CSNK1D: variants seen among roughly 807,000 people sequenced by gnomAD.
The protein encoded by CSNK1D is casein kinase I isoform delta.
CSNK1D carries 16 observed loss-of-function variants against 46.6 expected under a neutral mutation model. The ratio of observed to expected loss-of-function variants is 0.34; its 90% CI spans 0.23 to 0.52. The LOEUF (loss-of-function observed/expected upper bound fraction) is 0.52, where lower values mean the gene tolerates loss of function less well. CSNK1D is among the 20% of genes least tolerant of loss of function. CSNK1D has a pLI of 0.95. For synonymous variants in CSNK1D, 276 were observed against 228.2 expected, an observed-to-expected ratio of 1.21 and a Z score of -1.89; for missense variants, 398 against 578.4, an observed-to-expected ratio of 0.69 and a Z score of 3.20.
At chr17:82,247,721 G>A (rs1599578179) in intron 8 of CSNK1D, 7 of 985,426 alleles carry the variant, frequency 7.1e-6, no homozygotes, top group Non-Finnish European at 8.4e-6. Context: ...AGGGTTGTGT[G>A]CACGTAAGGG....
rs141108767 is a variant in CSNK1D, at chr17:82,268,537, G to A, written c.77-2741C>T. On this transcript the variant is annotated intron_variant, in intron 1 of 8. Transcript: ENST00000314028. ...AGGTTAAATCCGAGAAGCACTACTA[G>A]AAGGGGAATGAGAATTTGAAAGACC... is the stretch of plus-strand genomic sequence containing the variant. 3.9e-3 allele frequency among the ~76,000 whole-genome samples: 596 copies of A among 152,348 alleles called. 2 individuals are homozygous for A. Among genetic ancestry groups the A allele is most frequent in the South Asian group, 0.028 (137 of 4,830 alleles).
At position 82,248,853 on chromosome 17, in the gene CSNK1D, C is replaced by T. The variant is rs150560631; in HGVS notation, c.1197+22G>A. The stretch of plus-strand genomic sequence containing the variant: ...ACGGGGTAGCCCGAGGCCCAGCGCC[C>T]GCCCGGGAGCTCTGCACCTACCTGT... On this transcript the variant is annotated intron_variant, in intron 8 of 8. Coordinates refer to ENST00000314028, the MANE Select transcript of CSNK1D (RefSeq NM_001893.6). The surrounding 1 kb of genome is among the most constrained non-coding windows in gnomAD (Gnocchi z 4.1). The T allele has an allele frequency of 8.7e-6, 14 of 1,603,978 alleles. No homozygotes were observed. Among genetic ancestry groups the T allele is most frequent in the African/African-American group, 4.0e-5 (3 of 74,762 alleles).
At chr17:82,264,752 G>A (rs568112870) in intron 2 of CSNK1D, among the ~76,000 whole-genome samples, 1 of 152,082 alleles carries the variant, frequency 6.6e-6, no homozygotes, top group Non-Finnish European at 1.5e-5. Flanking sequence ...ACCACTGAGG[G>A]GCACACGACA....
chr17:82,263,749 T>C (rs114513712), intron 2 of CSNK1D, among the ~76,000 whole-genome samples: 281 of 152,372 alleles, frequency 1.8e-3, no homozygotes, highest in African/African-American at 6.5e-3. Context: ...CAGGTTTTAC[T>C]TGACCCCAGC....
Position 82,271,029 on chromosome 17 carries a change from T to G in CSNK1D, c.76+2277A>C, listed in dbSNP as rs572581083. Reference sequence around the variant, plus strand: ...AATCTATCTTTGGAAAGCACAAAGTTGTTTGACAAGGTCTCAGATCAGAGA... The same window carrying G: ...AATCTATCTTTGGAAAGCACAAAGTGGTTTGACAAGGTCTCAGATCAGAGA... On this transcript the variant is annotated intron_variant, in intron 1 of 8. Coordinates refer to ENST00000314028, the MANE Select transcript of CSNK1D (RefSeq NM_001893.6). 4.6e-5 allele frequency among the ~76,000 whole-genome samples: 7 copies of G among 152,344 alleles called. No individual in the cohort carries two copies. In the East Asian group the frequency reaches 1.3e-3, roughly 29 times the overall value.
chr17:82,251,364 G>C lies in CSNK1D; in HGVS notation c.885+15C>G. ...GCACACCACACTCAGCGAACGTGCT[G>C]GCAGTGCGACTTACAAATTTGAGCA... On this transcript the variant is annotated intron_variant, in intron 6 of 8. Transcript: ENST00000314028. This position sits in a 1 kb window ranked among gnomAD's most constrained non-coding sequence, Gnocchi z 4.5. 1.2e-6 allele frequency: 2 copies of C among 1,613,994 alleles called. No homozygotes were observed. The highest frequency in any genetic ancestry group is 1.7e-6 in the Non-Finnish European group (2 of 1,179,950).
At chr17:82,241,937 C>T (rs2050746546), downstream of CSNK1D, among the ~76,000 whole-genome samples, 1 of 152,212 alleles carries the variant, frequency 6.6e-6, no homozygotes, top group Non-Finnish European at 1.5e-5. Context: ...AGAGCAACCT[C>T]CAGGCAAGTG....
Position 82,246,943 on chromosome 17 carries a change from C to T in CSNK1D, c.1197+1932G>A, listed in dbSNP as rs550402011. On this transcript the variant is annotated intron_variant, in intron 8 of 8. Transcript: ENST00000314028. Reference sequence around the variant, plus strand: ...CTGTATTCCCCCTTGGGATTCAAAACGGGAGCTGCTGCTCACAGCCACCAC... The same window carrying T: ...CTGTATTCCCCCTTGGGATTCAAAATGGGAGCTGCTGCTCACAGCCACCAC... 73 of 985,522 alleles carry T rather than the reference C, an allele frequency of 7.4e-5. No homozygotes were observed. In the African/African-American group the frequency reaches 1.1e-3, roughly 15 times the overall value. 61.0% of individuals were successfully genotyped at this position (985,522 alleles called of 1,614,324 possible).
At position 82,254,400 on chromosome 17, in the gene CSNK1D, C is replaced by T. The variant is rs565538719; in HGVS notation, c.336+1029G>A. On this transcript the variant is annotated intron_variant, in intron 3 of 8. Transcript: ENST00000314028. Reference sequence around the variant, plus strand: ...CCAGTCAGCTGAGCCGCCGGGGCCTCGAGAAGCCAGTCAGCTGAGCCGCCG... The same window carrying T: ...CCAGTCAGCTGAGCCGCCGGGGCCTTGAGAAGCCAGTCAGCTGAGCCGCCG... The T allele has an allele frequency of 3.2e-4, 79 of 244,506 alleles. 1 individual carries two copies. The highest frequency in any genetic ancestry group is 2.3e-3 in the South Asian group (72 of 31,838). The allele number at this position is 244,506 out of a possible 1,614,324, so 15.1% of individuals were successfully genotyped here. A position where few individuals can be genotyped will look rare whatever the true frequency, so the allele number is the denominator to read the frequency against.
intron 2 of CSNK1D, among the ~76,000 whole-genome samples, chr17:82,258,400 C>G (rs2051239861): frequency 6.6e-6 from 1 of 151,676 alleles, no homozygotes; most frequent in South Asian, 2.1e-4. Context: ...TAGTTGCATT[C>G]TGCGTCACAG....
intron 3 of CSNK1D, chr17:82,253,580 G>C: frequency 5.3e-6 from 2 of 375,252 alleles, no homozygotes; most frequent in Non-Finnish European, 1.0e-5. Context: ...GATTAGCAGA[G>C]AAACTGCACG....
rs1130774 is a variant in CSNK1D at position 82,249,499 on chromosome 17, G to A, written c.989C>T (p.Ala330Val). Residue 330 changes from alanine (A) to valine (V), a missense_variant, in exon 7 of 9, where the codon GCC becomes GTC. Ala to Val is a moderately conservative substitution (Grantham distance 64). Transcript: ENST00000314028. This position sits in a 1 kb window ranked among gnomAD's most constrained non-coding sequence, Gnocchi z 6.7. ...CTGCGTCCCCCGCAGGCGGCCGGAG[G>A]CTGTGGAAGGGAGGCCGCGGGTAGC... ...NPATRGLPST[A>V]SGRLRGTQEV... 6.5e-7 allele frequency: 1 copy of A among 1,544,046 alleles called. No homozygotes were observed. The highest frequency in any genetic ancestry group is 2.4e-5 in the East Asian group (1 of 40,952).
chr17:82,242,267 C>G (rs2050751472), downstream of CSNK1D, among the ~76,000 whole-genome samples: 1 of 151,856 alleles, frequency 6.6e-6, no homozygotes, highest in South Asian at 2.1e-4. Flanking sequence ...GGCCATCGGG[C>G]AGCTCCTGGG....
In CSNK1D at chr17:82,273,071, C is replaced by A; in HGVS notation, c.76+235G>T. 2 of 400,578 alleles carry A rather than the reference C, an allele frequency of 5.0e-6. No homozygotes were observed. Among genetic ancestry groups the A allele is most frequent in the African/African-American group, 2.3e-5 (1 of 44,390 alleles). 24.8% of individuals were successfully genotyped at this position (400,578 alleles called of 1,614,324 possible). On this transcript the variant is annotated intron_variant, in intron 1 of 8. Transcript: ENST00000314028. This position sits in a 1 kb window ranked among gnomAD's most constrained non-coding sequence, Gnocchi z 5.1. The stretch of plus-strand genomic sequence containing the variant: ...CCCTCCTTCCCCAACCCTCCCCTCT[C>A]CAGACCCTGCTCCCCCGACCTGGTC...
rs534845372 is a variant in CSNK1D, at chr17:82,250,044, C to G, written c.886-442G>C. On this transcript the variant is annotated intron_variant, in intron 6 of 8. Coordinates refer to ENST00000314028, the MANE Select transcript of CSNK1D (RefSeq NM_001893.6). This position sits in a 1 kb window ranked among gnomAD's most constrained non-coding sequence, Gnocchi z 4.6. ...AGCGTTTGGTCGGACGAGGAGTACA[C>G]TCAGGGTCCGGACCCTGCAGCCTCC... The G allele has an allele frequency of 2.0e-5, 25 of 1,266,268 alleles. No individual in the cohort carries two copies. The East Asian group carries it at 1.2e-3, about 62-fold the overall frequency. 78.4% of individuals were successfully genotyped at this position (1,266,268 alleles called of 1,614,324 possible).
At chr17:82,247,058 G>A in intron 8 of CSNK1D, 1 of 985,506 alleles carries the variant, frequency 1.0e-6, no homozygotes, top group Non-Finnish European at 1.2e-6. Context: ...CCGCCCTGGA[G>A]GTGGGGAGCC....
At position 82,249,532 on chromosome 17, in the gene CSNK1D, C is replaced by T. The variant is rs1229495379; in HGVS notation, c.956G>A (p.Arg319Gln). ...AGGGAGGCCGCGGGTAGCCGGGTTC[C>T]GCGAGTGTCTCAGCCGCTCCTCTCG... The part of the protein sequence containing the change: ...RDREERLRHS[R>Q]NPATRGLPST... The change falls in exon 7 of 9, where the codon CGG (arginine) becomes CAG (glutamine). Residue 319 changes from arginine to glutamine, a missense_variant. Arg to Gln is a conservative substitution (Grantham distance 43). Coordinates refer to ENST00000314028, the MANE Select transcript of CSNK1D (RefSeq NM_001893.6). The surrounding 1 kb of genome is among the most constrained non-coding windows in gnomAD (Gnocchi z 6.7). 9 of 1,545,738 alleles carry T rather than the reference C, an allele frequency of 5.8e-6. No homozygotes were observed. Among genetic ancestry groups the T allele is most frequent in the East Asian group, 2.4e-5 (1 of 41,336 alleles).
At chr17:82,261,856 G>A (rs1033453661) in intron 2 of CSNK1D, among the ~76,000 whole-genome samples, 21 of 152,304 alleles carry the variant, frequency 1.4e-4, no homozygotes, top group East Asian at 1.2e-3. Context: ...CCACAGAACC[G>A]TCACCCACTG....
At position 82,250,255 on chromosome 17, in the gene CSNK1D, G is replaced by C. The variant is rs2050967686; in HGVS notation, c.886-653C>G. The stretch of plus-strand genomic sequence containing the variant: ...AACTACAGCCCCGGGGCCAAACCCA[G>C]GTGCCACTTCTTCCTGCAAGTACAG... On this transcript the variant is annotated intron_variant, in intron 6 of 8. Transcript: ENST00000314028. This position sits in a 1 kb window ranked among gnomAD's most constrained non-coding sequence, Gnocchi z 4.6. 7.9e-7 allele frequency: 1 copy of C among 1,259,990 alleles called. No homozygotes were observed. The highest frequency in any genetic ancestry group is 1.2e-5 in the South Asian group (1 of 80,328). 78.1% of individuals were successfully genotyped at this position (1,259,990 alleles called of 1,614,324 possible).
Sources: allele counts gnomAD v4.1 joint callset (sites outside exome capture counted in the v4.1 genomes callset), GRCh38; gene constraint gnomAD v4.1.1; non-coding constraint Gnocchi (gnomAD v3.1); transcripts MANE v1.5; gene names NCBI Gene and HGNC (gene_info 2026-07-23, HGNC 2026-07-21).